The following XYLT1 variants were observed in gnomAD, a reference collection of about 807,000 sequenced individuals.
XYLT1 encodes the protein xylosyltransferase 1.
A neutral mutation model predicts 91.3 loss-of-function variants in XYLT1; 36 were observed. That is an observed-to-expected ratio of 0.39 (90% CI 0.30 to 0.52). The LOEUF (loss-of-function observed/expected upper bound fraction) is 0.52, where lower values mean the gene tolerates loss of function less well. Ranked by LOEUF, XYLT1 falls within the 20% of genes least tolerant of loss-of-function variation. The pLI is 0.68. For synonymous variants in XYLT1, 588 were observed against 532.0 expected, an observed-to-expected ratio of 1.11 and a Z score of -1.45; for missense variants, 1,242 against 1,284.5, an observed-to-expected ratio of 0.97 and a Z score of 0.51.
intron 3 of XYLT1, among the ~76,000 whole-genome samples, chr16:17,235,671 G>A (rs1171344602): frequency 6.6e-6 from 1 of 152,200 alleles, no homozygotes; most frequent in Non-Finnish European, 1.5e-5. Flanking sequence ...TTTAAGGACT[G>A]TGTCTCTCTT....
At chr16:17,436,630 G>A (rs943372081) in intron 1 of XYLT1, among the ~76,000 whole-genome samples, 1 of 152,196 alleles carries the variant, frequency 6.6e-6, no homozygotes, top group African/African-American at 2.4e-5. Context: ...TTACCCTGAG[G>A]AATTTTTTAG....
chr16:17,202,293 G>A (rs890951478), intron 3 of XYLT1, among the ~76,000 whole-genome samples: 4 of 152,162 alleles, frequency 2.6e-5, no homozygotes, highest in African/African-American at 7.2e-5. Flanking sequence ...TTAGGACATC[G>A]GGAGTCTAAG....
intron 2 of XYLT1, among the ~76,000 whole-genome samples, chr16:17,268,667 C>CTTTTTTTTTTTTTTTTTTTTTTTTTT (rs56389780): frequency 7.2e-6 from 1 of 138,072 alleles, no homozygotes. Context: ...GTGATAAATA[C>CTTTTTTTTTTTTTTTTTTTTTTTTTT]TTTTTTTTTT....
intron 1 of XYLT1, among the ~76,000 whole-genome samples, chr16:17,412,004 C>T (rs971991599): frequency 3.9e-5 from 6 of 152,126 alleles, no homozygotes; most frequent in Non-Finnish European, 8.8e-5. Context: ...CCCATTTAAA[C>T]TTCTTGGTGG....
intron 6 of XYLT1, among the ~76,000 whole-genome samples, chr16:17,148,440 T>G (rs1810716627): frequency 6.6e-6 from 1 of 152,258 alleles, no homozygotes; most frequent in South Asian, 2.1e-4. Flanking sequence ...GATTTTTGCC[T>G]ATTTTTGTTC....
intron 2 of XYLT1, among the ~76,000 whole-genome samples, chr16:17,344,331 A>C (rs2035111913): frequency 6.6e-6 from 1 of 151,334 alleles, no homozygotes; most frequent in African/African-American, 2.4e-5. Context: ...AAAATACAAA[A>C]AAAAAAAAAA....
Position 17,292,035 on chromosome 16 carries a change from T to C in XYLT1, c.403-32537A>G, listed in dbSNP as rs148490871. 2.6e-5 allele frequency among the ~76,000 whole-genome samples: 4 copies of C among 151,352 alleles called. No homozygotes were observed. In the East Asian group the frequency reaches 7.8e-4, roughly 29 times the overall value. ...AACATCGTCTCTACAAAAAAACCCA[T>C]AAATAATTAGCCAGCTAGCCGGGCA... On this transcript the variant is annotated intron_variant, in intron 2 of 11. Coordinates refer to ENST00000261381, the MANE Select transcript of XYLT1 (RefSeq NM_022166.4).
intron 1 of XYLT1, among the ~76,000 whole-genome samples, chr16:17,388,497 T>G (rs1255852843): frequency 6.6e-6 from 1 of 152,176 alleles, no homozygotes. Flanking sequence ...CTCCCCATTC[T>G]GCCTGTCACC....
At chr16:17,408,319 C>T (rs1320451745) in intron 1 of XYLT1, among the ~76,000 whole-genome samples, 1 of 152,162 alleles carries the variant, frequency 6.6e-6, no homozygotes, top group Non-Finnish European at 1.5e-5. Flanking sequence ...ATTATAAATT[C>T]TCATGAAATC....
rs10606202 is a variant in XYLT1 at position 17,321,342 on chromosome 16, CTTTTTTTTTTTTTTTTTTT to C, written c.402+36651_402+36669del. ...GACAGTTCCCAAAGTACTAACTAGC[CTTTTTTTTTTTTTTTTTTT>C]TTTTTTTTTTTTTTTTGAGGCAGTC... On this transcript the variant is annotated intron_variant, in intron 2 of 11. Coordinates refer to ENST00000261381, the MANE Select transcript of XYLT1 (RefSeq NM_022166.4). Among the ~76,000 whole-genome samples, 160 of 43,638 alleles carry C rather than the reference CTTTTTTTTTTTTTTTTTTT, an allele frequency of 3.7e-3. 1 individual carries two copies. Among genetic ancestry groups the C allele is most frequent in the Middle Eastern group, 0.028 (1 of 36 alleles). The allele number at this position is 43,638 out of a possible 152,430, so 28.6% of individuals were successfully genotyped here. A position where few individuals can be genotyped will look rare whatever the true frequency, so the allele number is the denominator to read the frequency against.
At chr16:17,318,363 C>T (rs1421712259) in intron 2 of XYLT1, among the ~76,000 whole-genome samples, 1 of 151,840 alleles carries the variant, frequency 6.6e-6, no homozygotes, top group Admixed American at 6.5e-5. Flanking sequence ...TCAACACCAG[C>T]ACATGGCTTT....
At chr16:17,190,215 G>A (rs1309824235) in intron 5 of XYLT1, among the ~76,000 whole-genome samples, 1 of 152,146 alleles carries the variant, frequency 6.6e-6, no homozygotes, top group Non-Finnish European at 1.5e-5. Context: ...AGAGCGTACG[G>A]TTGCCTGACA....
intron 1 of XYLT1, among the ~76,000 whole-genome samples, chr16:17,367,868 A>G (rs995349263): frequency 2.0e-5 from 3 of 152,150 alleles, no homozygotes; most frequent in Admixed American, 6.5e-5. Context: ...GGAAAGGCCT[A>G]TTTCCTAAGG....
At chr16:17,429,957 GAC>G (rs1178121212) in intron 1 of XYLT1, among the ~76,000 whole-genome samples, 1 of 131,688 alleles carries the variant, frequency 7.6e-6, no homozygotes, top group African/African-American at 3.0e-5. Flanking sequence ...TTTTTTTTGA[GAC>G]AGAGTCTTGC....
At chr16:17,127,359 T>G (rs942847189) in intron 10 of XYLT1, among the ~76,000 whole-genome samples, 1 of 152,198 alleles carries the variant, frequency 6.6e-6, no homozygotes, top group African/African-American at 2.4e-5. Context: ...CAGTTCTCCA[T>G]TCGGTAAAAT....
At chr16:17,116,732 T>C (rs1047793025) in intron 11 of XYLT1, among the ~76,000 whole-genome samples, 4 of 152,258 alleles carry the variant, frequency 2.6e-5, no homozygotes, top group African/African-American at 4.8e-5. Context: ...AAACATTTTC[T>C]AAACTCGTCT....
intron 5 of XYLT1, among the ~76,000 whole-genome samples, chr16:17,185,852 T>A (rs1474076682): frequency 6.6e-6 from 1 of 152,034 alleles, no homozygotes. Context: ...AATACAAAAA[T>A]CAGCCAGATG....
intron 11 of XYLT1, among the ~76,000 whole-genome samples, chr16:17,115,980 TA>T (rs58219672): frequency 0.14 from 9,838 of 69,094 alleles, 462 homozygotes; most frequent in Non-Finnish European, 0.26. Flanking sequence ...ACTTAGAAAG[TA>T]AAAAAAAAAA....
intron 3 of XYLT1, among the ~76,000 whole-genome samples, chr16:17,254,996 C>CT (rs34553607): frequency 0.15 from 16,896 of 113,350 alleles, 1,385 homozygotes; most frequent in African/African-American, 0.21. Flanking sequence ...TTTTCTTTTT[C>CT]TTTTTTTTTT....
Sources: gnomAD v4.1 joint callset for allele counts (sites outside exome capture counted in the v4.1 genomes callset) on GRCh38, gnomAD v4.1.1 for gene constraint, MANE v1.5 for transcripts, NCBI Gene and HGNC (gene_info 2026-07-23, HGNC 2026-07-21) for gene names.